PIP5K1A: variants seen among roughly 807,000 people sequenced by gnomAD.
PIP5K1A encodes phosphatidylinositol-4-phosphate 5-kinase type 1 alpha.
Under a neutral mutation model 72.9 loss-of-function variants are expected in PIP5K1A, and 46 were observed. That is an observed-to-expected ratio of 0.63 (90% CI 0.50 to 0.81). The LOEUF is 0.81. PIP5K1A is among the 30% of genes least tolerant of loss of function. PIP5K1A has a pLI of 0.00. For missense variants in PIP5K1A, 458 were observed against 706.1 expected, an observed-to-expected ratio of 0.65 and a Z score of 3.98; for synonymous variants, 228 against 255.1, an observed-to-expected ratio of 0.89 and a Z score of 1.01.
intron 9 of PIP5K1A, among the ~76,000 whole-genome samples, chr1:151,237,918 CAG>C (rs1372303595): frequency 6.6e-6 from 1 of 152,008 alleles, no homozygotes; most frequent in African/African-American, 2.4e-5. Flanking sequence ...TTGGTGGAAT[CAG>C]AGTGGAAGAG....
intron 3 of PIP5K1A, among the ~76,000 whole-genome samples, chr1:151,225,025 A>T (rs996535667): frequency 1.3e-5 from 2 of 152,260 alleles, no homozygotes; most frequent in African/African-American, 4.8e-5. Context: ...ATAGAACTTG[A>T]ATATCAGGTC....
intron 1 of PIP5K1A, among the ~76,000 whole-genome samples, chr1:151,218,558 C>T (rs942910114): frequency 2.6e-5 from 4 of 152,072 alleles, no homozygotes; most frequent in African/African-American, 4.8e-5. Flanking sequence ...AAGATGAGGC[C>T]GGGCTCAGTG....
intron 3 of PIP5K1A, among the ~76,000 whole-genome samples, chr1:151,226,483 G>T (rs587605755): frequency 1.8e-4 from 27 of 149,538 alleles, no homozygotes; most frequent in Non-Finnish European, 3.9e-4. Context: ...AGGCCAAGGC[G>T]AGTGGATCAC....
chr1:151,215,841 A>ATT lies in PIP5K1A; in HGVS notation c.86-8404_86-8403insTT, dbSNP rs990315929. On this transcript the variant is annotated intron_variant, in intron 1 of 15. Transcript: ENST00000368888. ...CCACATTTCACAGTATGGTGCTAGG[A>ATT]ATCTGACCAGGTCCAGTTCATAATT... 3 of 468,476 alleles carry ATT rather than the reference A, an allele frequency of 6.4e-6. No individual in the cohort carries two copies. In the Admixed American group the frequency reaches 7.6e-5, roughly 12 times the overall value. The allele number at this position is 468,476 out of a possible 1,614,324, so 29.0% of individuals were successfully genotyped here. A position where few individuals can be genotyped will look rare whatever the true frequency, so the allele number is the denominator to read the frequency against.
chr1:151,205,485 A>G lies in PIP5K1A; in HGVS notation c.85+6404A>G, dbSNP rs115427322. 6.2e-3 allele frequency among the ~76,000 whole-genome samples: 939 copies of G among 151,456 alleles called. 8 individuals are homozygous for G. The highest frequency in any genetic ancestry group is 0.021 in the African/African-American group (874 of 41,372). ...GCTACTGCCCGGCCTCTCTCCTAGA[A>G]TTTTGGAGCATTCTTACTTGACGTA... On this transcript the variant is annotated intron_variant, in intron 1 of 15. Coordinates refer to ENST00000368888, the MANE Select transcript of PIP5K1A (RefSeq NM_001135638.2).
chr1:151,227,822 G>A (rs908192348), intron 4 of PIP5K1A, among the ~76,000 whole-genome samples: 2 of 152,144 alleles, frequency 1.3e-5, no homozygotes, highest in Admixed American at 6.5e-5. Flanking sequence ...AGAGGTGGAG[G>A]TTGCAGTGAG....
rs1156544790 is a variant in PIP5K1A at position 151,248,337 on chromosome 1, CTG to C, written c.*474_*475del. 6.4e-6 allele frequency: 1 copy of C among 156,742 alleles called. No individual in the cohort carries two copies. The highest frequency in any genetic ancestry group is 1.4e-5 in the Non-Finnish European group (1 of 71,042). 9.7% of individuals were successfully genotyped at this position (156,742 alleles called of 1,614,324 possible). On this transcript the variant is annotated 3_prime_UTR_variant, in exon 16 of 16. Coordinates refer to ENST00000368888, the MANE Select transcript of PIP5K1A (RefSeq NM_001135638.2). ...TCCTGGAAGAATACTCCTGTAATCT[CTG>C]TAAAGGTTTTTGGGGGATAAGGGTG...
chr1:151,199,623 A>G (rs587744608), intron 1 of PIP5K1A, among the ~76,000 whole-genome samples: 3 of 152,034 alleles, frequency 2.0e-5, no homozygotes, highest in South Asian at 4.2e-4. Context: ...CAAAAAAAAA[A>G]AAAAAGAAGT....
intron 3 of PIP5K1A, among the ~76,000 whole-genome samples, chr1:151,226,029 T>C (rs774138451): frequency 1.3e-5 from 2 of 151,706 alleles, no homozygotes; most frequent in Non-Finnish European, 2.9e-5. Context: ...TCTTCCCCAC[T>C]TGGCCTTCTG....
Position 151,224,166 on chromosome 1 carries a change from A to T in PIP5K1A, c.86-79A>T, listed in dbSNP as rs587759908. 9.6e-5 allele frequency: 126 copies of T among 1,315,952 alleles called. 2 individuals are homozygous for T. In the South Asian group the frequency reaches 1.5e-3, roughly 16 times the overall value. 81.5% of individuals were successfully genotyped at this position (1,315,952 alleles called of 1,614,324 possible). On this transcript the variant is annotated intron_variant, in intron 1 of 15. Coordinates refer to ENST00000368888, the MANE Select transcript of PIP5K1A (RefSeq NM_001135638.2). ...TTATACTTATGTTTAGTTTGACTCA[A>T]ACTCTGATGGTTTCAGTATGCTTGA... is the stretch of plus-strand genomic sequence containing the variant.
intron 4 of PIP5K1A, among the ~76,000 whole-genome samples, chr1:151,229,455 G>T (rs587693044): frequency 9.3e-5 from 14 of 150,928 alleles, no homozygotes; most frequent in Non-Finnish European, 1.8e-4. Flanking sequence ...TCTGCCTTGC[G>T]GGTTCAAGCG....
chr1:151,228,892 ATTTTT>A (rs796462552), intron 4 of PIP5K1A, among the ~76,000 whole-genome samples: 2 of 147,528 alleles, frequency 1.4e-5, no homozygotes, highest in African/African-American at 5.0e-5. Context: ...TCATTTTTAA[ATTTTT>A]TTTTTTTAAG....
intron 1 of PIP5K1A, among the ~76,000 whole-genome samples, chr1:151,208,293 AG>A (rs1558239523): frequency 6.6e-6 from 1 of 152,006 alleles, no homozygotes; most frequent in African/African-American, 2.4e-5. Flanking sequence ...GAAGAGCGTT[AG>A]GAAAAATTTA....
intron 15 of PIP5K1A, among the ~76,000 whole-genome samples, chr1:151,247,468 C>G (rs1475883585): frequency 6.6e-6 from 1 of 152,018 alleles, no homozygotes; most frequent in Non-Finnish European, 1.5e-5. Context: ...CTCTGTCACC[C>G]AGGCTGGAGT....
chr1:151,246,211 C>T (rs1692482492), intron 14 of PIP5K1A, among the ~76,000 whole-genome samples: 1 of 152,130 alleles, frequency 6.6e-6, no homozygotes, highest in African/African-American at 2.4e-5. Flanking sequence ...AGTGCCACTG[C>T]ACTTCAGCCT....
intron 1 of PIP5K1A, among the ~76,000 whole-genome samples, chr1:151,210,590 A>G (rs1031036509): frequency 1.3e-5 from 2 of 151,722 alleles, no homozygotes; most frequent in African/African-American, 4.8e-5. Context: ...ATTGACATAC[A>G]TATATATTTT....
At chr1:151,224,854 C>A (rs1482732793) in intron 3 of PIP5K1A, among the ~76,000 whole-genome samples, 1 of 152,176 alleles carries the variant, frequency 6.6e-6, no homozygotes, top group Admixed American at 6.6e-5. Context: ...TATTTCCTAA[C>A]CCTCTTCTCA....
rs587670506 is a variant in PIP5K1A at position 151,247,313 on chromosome 1, G to A, written c.1686+348G>A. Among the ~76,000 whole-genome samples, 3 of 151,642 alleles carry A rather than the reference G, an allele frequency of 2.0e-5. No individual in the cohort carries two copies. The East Asian group carries it at 5.8e-4, about 30-fold the overall frequency. On this transcript the variant is annotated intron_variant, in intron 15 of 15. Coordinates refer to ENST00000368888, the MANE Select transcript of PIP5K1A (RefSeq NM_001135638.2). ...CCGGCTAATTTTTTATTTTTTAGTA[G>A]GCGCAGGGTTTCATCATATTGGACA...
At chr1:151,225,220 G>A (rs1038190103) in intron 3 of PIP5K1A, among the ~76,000 whole-genome samples, 4 of 152,002 alleles carry the variant, frequency 2.6e-5, no homozygotes, top group African/African-American at 9.7e-5. Context: ...CAGCTACTCG[G>A]GATTGCTTGA....
Sources: allele counts gnomAD v4.1 joint callset (sites outside exome capture counted in the v4.1 genomes callset), GRCh38; gene constraint gnomAD v4.1.1; transcripts MANE v1.5; gene names NCBI Gene and HGNC (gene_info 2026-07-23, HGNC 2026-07-21).